The following CHDH variants were observed in gnomAD, a reference collection of about 807,000 sequenced individuals.
CHDH encodes the protein choline dehydrogenase, also known as choline dehydrogenase, mitochondrial.
In CHDH, 43 loss-of-function variants were observed where a neutral mutation model predicts 56.9. That is an observed-to-expected ratio of 0.76 (90% CI 0.59 to 0.97). The LOEUF is 0.97. Ranked by LOEUF, CHDH falls within the 50% of genes least tolerant of loss-of-function variation. CHDH has a pLI of 0.00. For synonymous variants in CHDH, 364 were observed against 348.5 expected (o/e 1.04, Z -0.50); for missense variants, 816 against 821.1 (o/e 0.99, Z 0.08).
chr3:53,837,483 A>G (rs1318481441), intron 2 of CHDH, among the ~76,000 whole-genome samples: 2 of 152,232 alleles, frequency 1.3e-5, no homozygotes, highest in African/African-American at 4.8e-5. Flanking sequence ...CTGACATCGC[A>G]TCAGAGCTCT....
At chr3:53,833,293 AC>A (rs1698396103) in intron 2 of CHDH, among the ~76,000 whole-genome samples, 1 of 150,844 alleles carries the variant, frequency 6.6e-6, no homozygotes, top group Non-Finnish European at 1.5e-5. Flanking sequence ...TCATTTGAAA[AC>A]CCCACCCCGT....
chr3:53,821,362 C>T (rs73843326), intron 5 of CHDH, among the ~76,000 whole-genome samples: 18,647 of 152,094 alleles, frequency 0.12, 1,924 homozygotes, highest in African/African-American at 0.28. Flanking sequence ...CGCCCATGCC[C>T]GACCCAGTGG....
chr3:53,818,347 G>C (rs773362598), intron 8 of CHDH, 152 bp from the exon 9 acceptor site: 4 of 700,158 alleles, frequency 5.7e-6, no homozygotes, highest in Non-Finnish European at 9.3e-6. Context: ...CCAGCAGGCT[G>C]CTTGTCCCTG....
intron 2 of CHDH, among the ~76,000 whole-genome samples, chr3:53,828,162 G>GACACACACACACACAC (rs60594351): frequency 2.1e-3 from 310 of 145,240 alleles, no homozygotes; most frequent in African/African-American, 5.1e-3. Flanking sequence ...GGAATAACTA[G>GACACACACACACACAC]ACACACACAC....
chr3:53,823,331 G>A lies in CHDH; in HGVS notation c.678C>T (p.Gly226=). The change falls in exon 3 of 9, where the codon GGC becomes GGT. Residue 226 remains glycine (G), a synonymous_variant. Coordinates refer to ENST00000315251, the MANE Select transcript of CHDH (RefSeq NM_018397.5). ...DMNGFQQEGF[G]WMDMTIHEGK... is the part of the protein sequence containing the mutation. ...CTTCATGGATGGTCATGTCCATCCAGCCGAAGCCCTCCTGCTGGAAGCCAT... is the reference window on the plus strand; with the variant it reads ...CTTCATGGATGGTCATGTCCATCCAACCGAAGCCCTCCTGCTGGAAGCCAT... The A allele has an allele frequency of 6.3e-7, 1 of 1,586,748 alleles. No individual in the cohort carries two copies. The highest frequency in any genetic ancestry group is 8.6e-7 in the Non-Finnish European group (1 of 1,165,244).
intron 2 of CHDH, among the ~76,000 whole-genome samples, chr3:53,827,544 C>T (rs62250934): frequency 0.048 from 7,275 of 152,180 alleles, 369 homozygotes; most frequent in Admixed American, 0.14. Context: ...ACCTGTAGTC[C>T]TAGCTTGAGG....
chr3:53,818,668 C>T (rs2095620216), intron 8 of CHDH, among the ~76,000 whole-genome samples: 1 of 152,202 alleles, frequency 6.6e-6, no homozygotes, highest in African/African-American at 2.4e-5. Context: ...ACCTGCATGG[C>T]GTGGTCTCCC....
In CHDH at chr3:53,840,644, C is replaced by G. The variant is rs531820428; in HGVS notation, c.-60+285G>C. On this transcript the variant is annotated intron_variant, in intron 2 of 8. Transcript: ENST00000315251. Reference sequence around the variant, plus strand: ...AGTTATGTGAAGAGAACACAAAATTCCCATCTCCATCATCTCTTCTGGCTA... The same window carrying G: ...AGTTATGTGAAGAGAACACAAAATTGCCATCTCCATCATCTCTTCTGGCTA... Among the ~76,000 whole-genome samples, 21 of 152,278 alleles carry G rather than the reference C, an allele frequency of 1.4e-4. 2 individuals are homozygous for G. The South Asian group carries it at 4.3e-3, about 32-fold the overall frequency.
At position 53,818,200 on chromosome 3, in the gene CHDH, C is replaced by T. The variant is rs771560714; in HGVS notation, c.1367-5G>A. ...GGAAATCCTCAATATCAGTTTCTGT[C>T]GAGGAGAAGAAACAGGTGAGGACCC... On this transcript the variant is annotated splice_region_variant and splice_polypyrimidine_tract_variant and intron_variant, in intron 8 of 8. Coordinates refer to ENST00000315251, the MANE Select transcript of CHDH (RefSeq NM_018397.5). 4.4e-6 allele frequency: 7 copies of T among 1,591,922 alleles called. No individual in the cohort carries two copies. Among genetic ancestry groups the T allele is most frequent in the Non-Finnish European group, 3.4e-6 (4 of 1,170,426 alleles).
chr3:53,818,937 C>A lies in CHDH; in HGVS notation c.1366+1G>T. 2 of 1,596,892 alleles carry A rather than the reference C, an allele frequency of 1.3e-6. No homozygotes were observed. The highest frequency in any genetic ancestry group is 1.7e-6 in the Non-Finnish European group (2 of 1,164,286). On this transcript the variant is annotated splice_donor_variant, in intron 8 of 8. Coordinates refer to ENST00000315251, the MANE Select transcript of CHDH (RefSeq NM_018397.5). LOFTEE classifies it high-confidence loss of function. Reference sequence around the variant, plus strand: ...CAGGAAGACACAGGTGGGTGAAGTACCTGTTGACAAGTAGTTGGGCTGGAT... The same window carrying A: ...CAGGAAGACACAGGTGGGTGAAGTAACTGTTGACAAGTAGTTGGGCTGGAT...
intron 1 of CHDH, among the ~76,000 whole-genome samples, chr3:53,843,664 A>G (rs1698751279): frequency 6.6e-6 from 1 of 152,104 alleles, no homozygotes; most frequent in Admixed American, 6.5e-5. Context: ...CAAGCATTTA[A>G]TGAGCACCCC....
At chr3:53,818,867 C>G in intron 8 of CHDH, 71 bp downstream of exon 8, 1 of 945,004 alleles carries the variant, frequency 1.1e-6, no homozygotes, top group East Asian at 2.4e-5. Context: ...GGGTATGATT[C>G]AGGGATAAAC....
At position 53,816,269 on chromosome 3, in the gene CHDH, T is replaced by C. The variant is rs1201197732; in HGVS notation, c.*1508A>G. ...GGTTTCCACGCAACAATGCTTTTCT[T>C]CCCAGCCCTTGACGGTGGATGTGGA... On this transcript the variant is annotated 3_prime_UTR_variant, in exon 9 of 9. Transcript: ENST00000315251. 6.6e-6 allele frequency: 1 copy of C among 152,090 alleles called. No homozygotes were observed. Among genetic ancestry groups the C allele is most frequent in the African/African-American group, 2.4e-5 (1 of 41,406 alleles). The allele number at this position is 152,090 out of a possible 1,614,324, so 9.4% of individuals were successfully genotyped here. A position where few individuals can be genotyped will look rare whatever the true frequency, so the allele number is the denominator to read the frequency against.
intron 2 of CHDH, among the ~76,000 whole-genome samples, chr3:53,825,306 A>C (rs2095637001): frequency 6.6e-6 from 1 of 152,238 alleles, no homozygotes. Context: ...ACAGAAACAG[A>C]CCAAGGAGTA....
chr3:53,818,886 C>T (rs908459415), intron 8 of CHDH, 52 bp downstream of exon 8: 1 of 1,126,820 alleles, frequency 8.9e-7, no homozygotes, highest in African/African-American at 1.5e-5. Flanking sequence ...ACAGGAACCC[C>T]ACAAAGGCAT....
rs578216331 is a variant in CHDH at position 53,839,258 on chromosome 3, C to G, written c.-60+1671G>C. On this transcript the variant is annotated intron_variant, in intron 2 of 8. Transcript: ENST00000315251. ...AAGTTCAAACCTGAATCTGATCACA[C>G]TTCTAGATCAATCCACCGACTCACA... Among the ~76,000 whole-genome samples, 22 of 152,340 alleles carry G rather than the reference C, an allele frequency of 1.4e-4. 1 individual carries two copies. The South Asian group carries it at 4.3e-3, about 30-fold the overall frequency.
chr3:53,818,345 C>A, intron 8 of CHDH, 150 bp from the exon 9 acceptor site: 1 of 699,396 alleles, frequency 1.4e-6, no homozygotes, highest in African/African-American at 1.8e-5. Flanking sequence ...AGCCAGCAGG[C>A]TGCTTGTCCC....
In CHDH at chr3:53,821,687, G is replaced by A. The variant is rs748646122; in HGVS notation, c.945C>T (p.Asp315=). The A allele has an allele frequency of 2.5e-6, 4 of 1,614,022 alleles. No homozygotes were observed. Among genetic ancestry groups the A allele is most frequent in the Non-Finnish European group, 3.4e-6 (4 of 1,179,906 alleles). The change falls in exon 5 of 9, where the codon GAC becomes GAT. Residue 315 remains aspartate (D), a synonymous_variant. Coordinates refer to ENST00000315251, the MANE Select transcript of CHDH (RefSeq NM_018397.5). The part of the protein sequence containing the change: ...LMLSGIGNAD[D]LKKLGIPVVC... ...CCACAGGGATGCCCAGTTTCTTGAG[G>A]TCATCAGCATTCCCGATGCCAGAGA...
intron 4 of CHDH, 91 bp downstream of exon 4, chr3:53,822,400 G>A: frequency 8.0e-7 from 1 of 1,244,720 alleles, no homozygotes; most frequent in Non-Finnish European, 1.1e-6. Flanking sequence ...TGGGTCTGGG[G>A]GTGAGGGCGT....
Sources: allele counts gnomAD v4.1 joint callset (sites outside exome capture counted in the v4.1 genomes callset), GRCh38; gene constraint gnomAD v4.1.1; transcripts MANE v1.5; gene names NCBI Gene and HGNC (gene_info 2026-07-23, HGNC 2026-07-21).